Variants in AGMO observed in about 807,000 individuals in gnomAD.
AGMO encodes alkylglycerol monooxygenase.
Under a neutral mutation model 60.2 loss-of-function variants are expected in AGMO, and 75 were observed. The observed-to-expected ratio is 1.25, with a 90% CI of 1.03 to 1.51. The LOEUF (loss-of-function observed/expected upper bound fraction) is 1.51, where lower values mean the gene tolerates loss of function less well. AGMO is among the 40% of genes most tolerant of loss of function. AGMO has a pLI of 0.00. For synonymous variants in AGMO, 261 were observed against 177.1 expected (o/e 1.47, Z -3.76); for missense variants, 763 against 525.5 (o/e 1.45, Z -4.42).
chr7:15,454,259 C>T (rs12540810), intron 3 of AGMO, among the ~76,000 whole-genome samples: 120,660 of 151,778 alleles, frequency 0.79, 48,954 homozygotes, highest in African/African-American at 0.87. Flanking sequence ...CTATAGTTAA[C>T]AATACTGTCT....
At chr7:15,204,609 T>A (rs989676887) in intron 12 of AGMO, among the ~76,000 whole-genome samples, 9 of 152,172 alleles carry the variant, frequency 5.9e-5, no homozygotes, top group African/African-American at 2.2e-4. Context: ...AGTTCATTCT[T>A]AGTGTCAAGC....
the AGMO span, among the ~76,000 whole-genome samples, chr7:15,182,970 G>A: frequency 2.6e-5 from 4 of 151,926 alleles, no homozygotes; most frequent in Non-Finnish European, 4.4e-5. Flanking sequence ...CGTATCTCAT[G>A]AGAACTCTAT....
At chr7:15,351,863 A>T (rs1269681681) in intron 12 of AGMO, among the ~76,000 whole-genome samples, 1 of 152,082 alleles carries the variant, frequency 6.6e-6, no homozygotes, top group Admixed American at 6.6e-5. Flanking sequence ...AAGTGTTAAA[A>T]TACAAAGATG....
intron 12 of AGMO, among the ~76,000 whole-genome samples, chr7:15,232,165 C>G (rs1782281513): frequency 6.6e-6 from 1 of 152,168 alleles, no homozygotes. Flanking sequence ...TGCAAGAAAT[C>G]TTCCCTTGCC....
chr7:15,285,171 G>A (rs553702885), intron 12 of AGMO, among the ~76,000 whole-genome samples: 2 of 151,108 alleles, frequency 1.3e-5, no homozygotes, highest in East Asian at 3.9e-4. Flanking sequence ...CTAAAACAAG[G>A]CAAAGATGTC....
chr7:15,327,732 A>C lies in AGMO; in HGVS notation c.1263+37782T>G, dbSNP rs542416265. 2.0e-3 allele frequency among the ~76,000 whole-genome samples: 258 copies of C among 126,908 alleles called. 1 individual carries two copies. The highest frequency in any genetic ancestry group is 7.1e-3 in the African/African-American group (241 of 33,942). The allele number at this position is 126,908 out of a possible 152,430, so 83.3% of individuals were successfully genotyped here. A position where few individuals can be genotyped will look rare whatever the true frequency, so the allele number is the denominator to read the frequency against. On this transcript the variant is annotated intron_variant, in intron 12 of 12. Transcript: ENST00000342526. The stretch of plus-strand genomic sequence containing the variant: ...GTTTTCATGAAAAAATGATAAACTG[A>C]TTTCTTTCTTTTTTTTTTTTTTTTT...
At chr7:15,501,967 G>C (rs781716175) in intron 3 of AGMO, among the ~76,000 whole-genome samples, 1 of 151,992 alleles carries the variant, frequency 6.6e-6, no homozygotes. Context: ...CATCAAACTT[G>C]CCCAGAGAAT....
At chr7:15,328,014 G>A (rs1583413385) in intron 12 of AGMO, among the ~76,000 whole-genome samples, 5 of 151,920 alleles carry the variant, frequency 3.3e-5, no homozygotes, top group Admixed American at 3.3e-4. Flanking sequence ...AGGCTCAAGC[G>A]ATCTTCCCCC....
intron 3 of AGMO, among the ~76,000 whole-genome samples, chr7:15,526,146 G>C (rs932218814): frequency 6.6e-6 from 1 of 152,194 alleles, no homozygotes; most frequent in African/African-American, 2.4e-5. Flanking sequence ...TGAGTAGATG[G>C]GGTGTCTCCT....
intron 12 of AGMO, among the ~76,000 whole-genome samples, chr7:15,266,819 T>A (rs569426691): frequency 3.9e-5 from 6 of 151,974 alleles, no homozygotes; most frequent in Admixed American, 1.3e-4. Flanking sequence ...AGAATCTGAC[T>A]GGTGCAACAA....
At chr7:15,275,284 T>C (rs1783749715) in intron 12 of AGMO, among the ~76,000 whole-genome samples, 1 of 152,152 alleles carries the variant, frequency 6.6e-6, no homozygotes, top group South Asian at 2.1e-4. Flanking sequence ...AATTCTGCTT[T>C]AGTTTCTTTC....
the AGMO span, among the ~76,000 whole-genome samples, chr7:15,158,805 G>T: frequency 6.6e-6 from 1 of 152,076 alleles, no homozygotes; most frequent in African/African-American, 2.4e-5. Context: ...TATAATGTAT[G>T]TCAGGACTTA....
intron 12 of AGMO, among the ~76,000 whole-genome samples, chr7:15,316,157 G>A (rs1334721160): frequency 6.6e-6 from 1 of 152,112 alleles, no homozygotes; most frequent in Non-Finnish European, 1.5e-5. Flanking sequence ...TCTTGGTATT[G>A]GAGTTGCCAA....
At chr7:15,528,784 G>C (rs1784191706) in intron 3 of AGMO, among the ~76,000 whole-genome samples, 1 of 152,092 alleles carries the variant, frequency 6.6e-6, no homozygotes, top group Non-Finnish European at 1.5e-5. Flanking sequence ...AAGTAGCTGG[G>C]ATTACAGGCA....
chr7:15,408,168 G>C (rs1204164035), intron 5 of AGMO, among the ~76,000 whole-genome samples: 2 of 151,854 alleles, frequency 1.3e-5, no homozygotes, highest in East Asian at 3.9e-4. Context: ...CAGTTTAGCT[G>C]TACTGGCTGA....
intron 4 of AGMO, among the ~76,000 whole-genome samples, chr7:15,419,495 T>C (rs1780868821): frequency 6.6e-6 from 1 of 152,042 alleles, no homozygotes; most frequent in East Asian, 1.9e-4. Flanking sequence ...AAAGACTGGA[T>C]GTTTTAAAAA....
At chr7:15,354,327 T>TCTATACACACACGTGTATATACAC (rs1491261219) in intron 12 of AGMO, among the ~76,000 whole-genome samples, 864 of 32,222 alleles carry the variant, frequency 0.027, 112 homozygotes, top group Middle Eastern at 0.081. Flanking sequence ...TGTATATACG[T>TCTATACACACACGTGTATATACAC]ACGCGTGTAT....
At chr7:15,133,029 G>T in the AGMO span, among the ~76,000 whole-genome samples, 1 of 152,142 alleles carries the variant, frequency 6.6e-6, no homozygotes, top group Non-Finnish European at 1.5e-5. Flanking sequence ...AGAAGGGCAA[G>T]AATATGAGTC....
intron 12 of AGMO, among the ~76,000 whole-genome samples, chr7:15,270,151 T>C (rs1456735518): frequency 1.3e-5 from 2 of 152,128 alleles, no homozygotes; most frequent in Non-Finnish European, 2.9e-5. Flanking sequence ...CTAGTTCAAA[T>C]GGTAGTTCTA....
Sources: gnomAD v4.1 joint callset for allele counts (sites outside exome capture counted in the v4.1 genomes callset) on GRCh38, gnomAD v4.1.1 for gene constraint, MANE v1.5 for transcripts, NCBI Gene and HGNC (gene_info 2026-07-23, HGNC 2026-07-21) for gene names.